The following ATP9B variants were observed in gnomAD, a reference collection of about 807,000 sequenced individuals.
ATP9B encodes the protein probable phospholipid-transporting ATPase IIB.
Under a neutral mutation model 146.1 loss-of-function variants are expected in ATP9B, and 110 were observed. That is an observed-to-expected ratio of 0.75 (90% CI 0.65 to 0.88). The LOEUF is 0.88. Ranked by LOEUF, ATP9B falls within the 40% of genes least tolerant of loss-of-function variation. The pLI, the probability that ATP9B is intolerant of heterozygous loss-of-function variation, is 0.00. For missense variants in ATP9B, 1,499 were observed against 1,496.4 expected (o/e 1.00, Z -0.03); for synonymous variants, 604 against 569.7 (o/e 1.06, Z -0.86).
rs2075072942 is a variant in ATP9B, at chr18:79,099,272, AGT to A, written c.293+2625_293+2626del. ...GAGTCTTGCTTTGTTGCCAGGCTGG[AGT>A]GCAGTGGTGTGATGTCAGCTCACCT... On this transcript the variant is annotated intron_variant, in intron 2 of 29. Coordinates refer to ENST00000426216, the MANE Select transcript of ATP9B (RefSeq NM_198531.5). 3.3e-5 allele frequency among the ~76,000 whole-genome samples: 5 copies of A among 149,988 alleles called. No individual in the cohort carries two copies. The South Asian group carries it at 1.1e-3, about 32-fold the overall frequency.
intron 21 of ATP9B, among the ~76,000 whole-genome samples, chr18:79,345,193 G>A (rs2096879751): frequency 6.6e-6 from 1 of 152,176 alleles, no homozygotes; most frequent in Non-Finnish European, 1.5e-5. Context: ...TACTTCAAGT[G>A]GAAGAACTTC....
At chr18:79,075,485 C>G (rs934456131) in intron 1 of ATP9B, among the ~76,000 whole-genome samples, 1 of 152,138 alleles carries the variant, frequency 6.6e-6, no homozygotes, top group African/African-American at 2.4e-5. Context: ...TTTTGCAGGT[C>G]TGTTGTTTGG....
chr18:79,221,489 G>A (rs996562767), intron 11 of ATP9B, among the ~76,000 whole-genome samples: 1 of 152,222 alleles, frequency 6.6e-6, no homozygotes, highest in African/African-American at 2.4e-5. Context: ...TGGAGCTCAA[G>A]GCAGGCAGAT....
At chr18:79,217,271 G>A (rs1365626121) in intron 11 of ATP9B, among the ~76,000 whole-genome samples, 3 of 152,210 alleles carry the variant, frequency 2.0e-5, no homozygotes, top group Admixed American at 6.5e-5. Flanking sequence ...TGCAAACTCC[G>A]CCTCCCGAGT....
chr18:79,231,407 C>T (rs2095790202), intron 11 of ATP9B, among the ~76,000 whole-genome samples: 2 of 152,098 alleles, frequency 1.3e-5, no homozygotes, highest in Non-Finnish European at 2.9e-5. Context: ...TGCAACATCA[C>T]GAATTATCAG....
At chr18:79,335,312 T>C (rs559511568) in intron 17 of ATP9B, among the ~76,000 whole-genome samples, 2 of 152,338 alleles carry the variant, frequency 1.3e-5, no homozygotes, top group African/African-American at 2.4e-5. Context: ...GACTGGGATG[T>C]GTGTCACTGG....
chr18:79,241,835 A>AC (rs1480847847), intron 11 of ATP9B, among the ~76,000 whole-genome samples: 1 of 152,210 alleles, frequency 6.6e-6, no homozygotes, highest in Non-Finnish European at 1.5e-5. Context: ...TAGTCGCCAA[A>AC]CACAAGGGCT....
At chr18:79,255,868 C>T (rs528691106) in intron 12 of ATP9B, among the ~76,000 whole-genome samples, 5 of 152,288 alleles carry the variant, frequency 3.3e-5, no homozygotes, top group African/African-American at 7.2e-5. Flanking sequence ...TGTTGATAGA[C>T]ACTTCTGAGA....
intron 15 of ATP9B, among the ~76,000 whole-genome samples, chr18:79,323,158 G>A (rs1176208698): frequency 4.0e-5 from 6 of 149,864 alleles, no homozygotes; most frequent in African/African-American, 9.8e-5. Context: ...GTTGCTTCGC[G>A]TTAGTAATCC....
intron 1 of ATP9B, among the ~76,000 whole-genome samples, chr18:79,072,059 T>C (rs601235): frequency 0.39 from 58,692 of 151,692 alleles, 11,800 homozygotes; most frequent in East Asian, 0.52. Context: ...TTTCATAATT[T>C]CCTTAGGCTC....
intron 8 of ATP9B, among the ~76,000 whole-genome samples, chr18:79,192,297 A>G (rs1172438588): frequency 6.6e-6 from 1 of 152,158 alleles, no homozygotes; most frequent in Non-Finnish European, 1.5e-5. Flanking sequence ...AATGGAAATC[A>G]AAATTATAGA....
chr18:79,219,317 G>T (rs1164897258), intron 11 of ATP9B, among the ~76,000 whole-genome samples: 1 of 152,114 alleles, frequency 6.6e-6, no homozygotes, highest in East Asian at 1.9e-4. Context: ...TTACCAGGCA[G>T]CCCAGAGCAT....
chr18:79,096,447 T>TC, intron 1 of ATP9B, 29 bp from the exon 2 acceptor site: 1 of 1,604,018 alleles, frequency 6.2e-7, no homozygotes, highest in Non-Finnish European at 8.5e-7. Context: ...GCTTGGCCTA[T>TC]CTCAGCACTC....
At chr18:79,212,736 T>C (rs1433179609) in intron 10 of ATP9B, among the ~76,000 whole-genome samples, 1 of 152,186 alleles carries the variant, frequency 6.6e-6, no homozygotes, top group Non-Finnish European at 1.5e-5. Context: ...GTAAGTATAG[T>C]CATCTAATCT....
intron 7 of ATP9B, among the ~76,000 whole-genome samples, chr18:79,164,571 T>C (rs944536541): frequency 2.6e-5 from 4 of 151,766 alleles, no homozygotes; most frequent in Non-Finnish European, 5.9e-5. Context: ...AAAAAAAAAT[T>C]AGCCAGACAT....
rs563263810 is a variant in ATP9B at position 79,082,139 on chromosome 18, G to A, written c.119+12610G>A. ...CATTTTTCTCTAATCTTGTCTTCAC[G>A]CTTTATTTCATTAAATTGATCTTCA... On this transcript the variant is annotated intron_variant, in intron 1 of 29. Coordinates refer to ENST00000426216, the MANE Select transcript of ATP9B (RefSeq NM_198531.5). 1.1e-3 allele frequency among the ~76,000 whole-genome samples: 160 copies of A among 152,034 alleles called. 1 individual carries two copies. Among genetic ancestry groups the A allele is most frequent in the African/African-American group, 3.7e-3 (154 of 41,426 alleles).
intron 25 of ATP9B, 44 bp downstream of exon 25, chr18:79,348,240 T>A: frequency 9.9e-7 from 1 of 1,006,876 alleles, no homozygotes; most frequent in Non-Finnish European, 1.5e-6. Context: ...GGGGAGGACT[T>A]CTATTTTGAA....
intron 10 of ATP9B, among the ~76,000 whole-genome samples, chr18:79,211,283 G>C (rs947874703): frequency 6.6e-6 from 1 of 152,220 alleles, no homozygotes; most frequent in Non-Finnish European, 1.5e-5. Flanking sequence ...TACAACTGTA[G>C]TCAATTAGAA....
At chr18:79,159,361 C>T (rs1395323790) in intron 7 of ATP9B, among the ~76,000 whole-genome samples, 1 of 152,150 alleles carries the variant, frequency 6.6e-6, no homozygotes, top group East Asian at 1.9e-4. Context: ...ATCAGCTTTA[C>T]AGCCCTACAT....
Sources: allele counts gnomAD v4.1 joint callset (sites outside exome capture counted in the v4.1 genomes callset), GRCh38; gene constraint gnomAD v4.1.1; transcripts MANE v1.5; gene names NCBI Gene and HGNC (gene_info 2026-07-23, HGNC 2026-07-21).